The following PHAF1 variants were observed in gnomAD, a reference collection of about 807,000 sequenced individuals.
PHAF1 encodes the protein phagophore assembly factor 1.
PHAF1 carries 23 observed loss-of-function variants against 63.1 expected under a neutral mutation model. That is an observed-to-expected ratio of 0.36 (90% CI 0.26 to 0.52). PHAF1 has a LOEUF of 0.52. PHAF1 is among the 20% of genes least tolerant of loss of function. The pLI, the probability that PHAF1 is intolerant of heterozygous loss-of-function variation, is 0.93. For synonymous variants in PHAF1, 167 were observed against 185.0 expected, an observed-to-expected ratio of 0.90 and a Z score of 0.79; for missense variants, 427 against 517.2, an observed-to-expected ratio of 0.83 and a Z score of 1.69.
chr16:67,141,558 A>G (rs1275266437), intron 10 of PHAF1, among the ~76,000 whole-genome samples: 1 of 152,198 alleles, frequency 6.6e-6, no homozygotes. Context: ...CATGCCTGCC[A>G]AGGGCAAGCC....
intron 6 of PHAF1, among the ~76,000 whole-genome samples, chr16:67,133,737 G>A (rs1963501786): frequency 6.6e-6 from 1 of 150,770 alleles, no homozygotes; most frequent in Non-Finnish European, 1.5e-5. Flanking sequence ...CCGAGATCAT[G>A]CCACTGCACT....
intron 10 of PHAF1, among the ~76,000 whole-genome samples, chr16:67,142,907 G>A (rs1963864747): frequency 6.6e-6 from 1 of 152,250 alleles, no homozygotes; most frequent in Non-Finnish European, 1.5e-5. Context: ...GGCCACTCCA[G>A]ATGGGCCATT....
intron 5 of PHAF1, 27 bp downstream of exon 5, chr16:67,132,552 G>T: frequency 1.2e-6 from 2 of 1,601,276 alleles, no homozygotes; most frequent in Non-Finnish European, 1.7e-6. Context: ...TGATTCCTCT[G>T]GTCATCAGTG....
chr16:67,139,298 A>C (rs1257365920), intron 8 of PHAF1, among the ~76,000 whole-genome samples: 1 of 150,724 alleles, frequency 6.6e-6, no homozygotes, highest in Non-Finnish European at 1.5e-5. Flanking sequence ...TCTCCAGCAC[A>C]CATAAGCTCC....
intron 1 of PHAF1, among the ~76,000 whole-genome samples, chr16:67,117,977 TAG>T (rs1169023625): frequency 7.6e-5 from 11 of 144,236 alleles, no homozygotes; most frequent in Non-Finnish European, 1.2e-4. Context: ...TTTTTTGAGA[TAG>T]AGTCTCGCTC....
rs35147105 is a variant in PHAF1 at position 67,113,750 on chromosome 16, C to CTT, written c.64+3526_64+3527dup. On this transcript the variant is annotated intron_variant, in intron 1 of 15. Coordinates refer to ENST00000219139, the MANE Select transcript of PHAF1 (RefSeq NM_025187.5). ...AGGCGTGAGCCACCGCACCCAGCCTCTTTTTTTTTTTTTTTTGAGACAGAG... is the reference window on the plus strand; with the variant it reads ...AGGCGTGAGCCACCGCACCCAGCCTCTTTTTTTTTTTTTTTTTTGAGACAGAG... Among the ~76,000 whole-genome samples the CTT allele has an allele frequency of 3.9e-3, 533 of 135,318 alleles. 6 individuals are homozygous for CTT. The highest frequency in any genetic ancestry group is 0.014 in the African/African-American group (512 of 36,626). 88.8% of individuals were successfully genotyped at this position (135,318 alleles called of 152,430 possible).
Position 67,131,324 on chromosome 16 carries a change from A to C in PHAF1, c.270A>C (p.Lys90Asn). 6.3e-7 allele frequency: 1 copy of C among 1,595,544 alleles called. No individual in the cohort carries two copies. Among genetic ancestry groups the C allele is most frequent in the Non-Finnish European group, 8.5e-7 (1 of 1,170,434 alleles). Residue 90 changes from lysine to asparagine, a missense_variant, in exon 4 of 16, where the codon AAA (lysine) becomes AAC (asparagine). Coordinates refer to ENST00000219139, the MANE Select transcript of PHAF1 (RefSeq NM_025187.5). ...EVCDLTKVKLKYCGVHFNSQA... is the reference protein window; with the variant it reads ...EVCDLTKVKLNYCGVHFNSQA... ...GTGATTTGACTAAAGTAAAGTTAAA[A>C]TATTGGTAAGTTTTCTCCCCTGCTG...
intron 1 of PHAF1, among the ~76,000 whole-genome samples, chr16:67,114,843 C>T (rs1962674203): frequency 6.6e-6 from 1 of 152,190 alleles, no homozygotes; most frequent in African/African-American, 2.4e-5. Flanking sequence ...AAGGAGGAAT[C>T]TAGAGGTTTC....
At chr16:67,117,761 C>T (rs1006960444) in intron 1 of PHAF1, among the ~76,000 whole-genome samples, 3 of 146,036 alleles carry the variant, frequency 2.1e-5, no homozygotes, top group Admixed American at 6.8e-5. Flanking sequence ...CTTCAGACTG[C>T]GTCTCAAAAA....
intron 2 of PHAF1, among the ~76,000 whole-genome samples, chr16:67,123,933 A>G (rs1407404492): frequency 1.3e-5 from 2 of 152,204 alleles, no homozygotes; most frequent in Non-Finnish European, 2.9e-5. Context: ...GATTTTACTG[A>G]ACTGCTTCAT....
intron 1 of PHAF1, among the ~76,000 whole-genome samples, chr16:67,112,079 T>C (rs1277974144): frequency 6.6e-6 from 1 of 152,192 alleles, no homozygotes; most frequent in Non-Finnish European, 1.5e-5. Flanking sequence ...ATGCTAATGC[T>C]GTTTGGCTTC....
At position 67,148,493 on chromosome 16, in the gene PHAF1, C is replaced by T. The variant is rs1455057859; in HGVS notation, c.*1362C>T. 6.6e-6 allele frequency: 1 copy of T among 152,406 alleles called. No individual in the cohort carries two copies. Among genetic ancestry groups the T allele is most frequent in the Non-Finnish European group, 1.5e-5 (1 of 68,070 alleles). The allele number at this position is 152,406 out of a possible 1,614,324, so 9.4% of individuals were successfully genotyped here. A position where few individuals can be genotyped will look rare whatever the true frequency, so the allele number is the denominator to read the frequency against. ...CCCCTCTCCAATAAAGCACCTGTGC[C>T]CTCAGCAATGGCCTGCCATGTGCTG... On this transcript the variant is annotated 3_prime_UTR_variant, in exon 16 of 16. Transcript: ENST00000219139.
intron 2 of PHAF1, 79 bp from the exon 3 acceptor site, chr16:67,125,880 C>T: frequency 2.9e-6 from 3 of 1,020,828 alleles, no homozygotes; most frequent in Non-Finnish European, 4.6e-6. Flanking sequence ...TTGTGTGTTG[C>T]ATTTGTATTG....
At position 67,145,407 on chromosome 16, in the gene PHAF1, G is replaced by A. The variant is rs1461748500; in HGVS notation, c.1038G>A (p.Thr346=). Residue 346 remains threonine (T), a synonymous_variant, in exon 13 of 16, where the codon ACG becomes ACA. Coordinates refer to ENST00000219139, the MANE Select transcript of PHAF1 (RefSeq NM_025187.5). ...CAGATGGTCAGACAGAAACATGCACGACCTACAGCAAGGTGAGCACCTATC... is the reference window on the plus strand; with the variant it reads ...CAGATGGTCAGACAGAAACATGCACAACCTACAGCAAGGTGAGCACCTATC... ...ENADGQTETC[T]TYSKWDNIQE... 6.2e-6 allele frequency: 10 copies of A among 1,614,100 alleles called. No individual in the cohort carries two copies. Among genetic ancestry groups the A allele is most frequent in the Non-Finnish European group, 7.6e-6 (9 of 1,180,008 alleles).
chr16:67,143,511 C>T (rs1024732834), intron 10 of PHAF1, among the ~76,000 whole-genome samples: 4 of 152,216 alleles, frequency 2.6e-5, no homozygotes, highest in Admixed American at 6.5e-5. Flanking sequence ...CATCTGGGCA[C>T]CACGCTAGGT....
chr16:67,140,067 C>T lies in PHAF1; in HGVS notation c.745C>T (p.Leu249Phe), dbSNP rs140031551. The part of the protein sequence containing the change: ...VYFGDSCQDV[L>F]SMLGSPHKVF... ...TTTTGGTGATTCCTGCCAAGATGTT[C>T]TTAGCATGCTTGGCTCTCCACACAA... The change falls in exon 9 of 16, where the codon CTT (leucine) becomes TTT (phenylalanine). Residue 249 changes from leucine (L) to phenylalanine (F), a missense_variant. Coordinates refer to ENST00000219139, the MANE Select transcript of PHAF1 (RefSeq NM_025187.5). 3 of 1,614,012 alleles carry T rather than the reference C, an allele frequency of 1.9e-6. No individual in the cohort carries two copies. The highest frequency in any genetic ancestry group is 2.5e-6 in the Non-Finnish European group (3 of 1,180,014).
Position 67,134,276 on chromosome 16 carries a change from G to A in PHAF1, c.548+11G>A, listed in dbSNP as rs368249714. ...CCTGCAGGATACCAAGTAAGTATAAGGAGCATGAGTTTCTTGCTAAGGCCT... is the reference window on the plus strand; with the variant it reads ...CCTGCAGGATACCAAGTAAGTATAAAGAGCATGAGTTTCTTGCTAAGGCCT... On this transcript the variant is annotated intron_variant, in intron 7 of 15. Transcript: ENST00000219139. 117 of 1,610,782 alleles carry A rather than the reference G, an allele frequency of 7.3e-5. No individual in the cohort carries two copies. Among genetic ancestry groups the A allele is most frequent in the Middle Eastern group, 6.6e-4 (4 of 6,058 alleles).
chr16:67,115,917 C>T (rs1187109216), intron 1 of PHAF1, among the ~76,000 whole-genome samples: 1 of 152,130 alleles, frequency 6.6e-6, no homozygotes, highest in Non-Finnish European at 1.5e-5. Flanking sequence ...TTTTGGGAGG[C>T]CGAGACGGGA....
chr16:67,140,114 C>G lies in PHAF1; in HGVS notation c.792C>G (p.Asp264Glu). 1 of 1,613,898 alleles carries G rather than the reference C, an allele frequency of 6.2e-7. No individual in the cohort carries two copies. Among genetic ancestry groups the G allele is most frequent in the Non-Finnish European group, 8.5e-7 (1 of 1,179,920 alleles). Residue 264 changes from aspartate to glutamate, a missense_variant, in exon 9 of 16, where the codon GAC (aspartate) becomes GAG (glutamate). Transcript: ENST00000219139. ...SPHKVFYKSE[D>E]KMKIHSPSPH... ...ACAAAGTCTTCTATAAATCAGAAGA[C>G]AAGGTAGGGGAATTATGTTGCAGTC...
Sources: allele counts gnomAD v4.1 joint callset (sites outside exome capture counted in the v4.1 genomes callset), GRCh38; gene constraint gnomAD v4.1.1; transcripts MANE v1.5; gene names NCBI Gene and HGNC (gene_info 2026-07-23, HGNC 2026-07-21).